The following SND1 variants were observed in gnomAD, a reference collection of about 807,000 sequenced individuals.
The protein encoded by SND1 is staphylococcal nuclease domain-containing protein 1.
A neutral mutation model predicts 121.7 loss-of-function variants in SND1; 38 were observed. The ratio of observed to expected loss-of-function variants is 0.31; its 90% CI spans 0.24 to 0.41. SND1 has a LOEUF of 0.41. Among genes scored for constraint, SND1 ranks in the 10% least tolerant of loss-of-function variants. The probability of loss-of-function intolerance (pLI) is 1.00; values close to 1 mark genes in which losing one functional copy is unlikely to be tolerated. For missense variants in SND1, 868 were observed against 1,184.6 expected (o/e 0.73, Z 3.92); for synonymous variants, 401 against 447.4 (o/e 0.90, Z 1.31).
chr7:127,657,681 A>T (rs563736324), intron 1 of SND1, among the ~76,000 whole-genome samples: 1 of 151,456 alleles, frequency 6.6e-6, no homozygotes, highest in East Asian at 1.9e-4. Flanking sequence ...TCTTTTTTGT[A>T]GAAATGGGGT....
intron 16 of SND1, among the ~76,000 whole-genome samples, chr7:128,073,491 T>C (rs981932409): frequency 2.1e-4 from 32 of 152,332 alleles, no homozygotes; most frequent in Non-Finnish European, 4.0e-4. Flanking sequence ...CACCTCCTTG[T>C]CCTTCTGGGG....
intron 10 of SND1, among the ~76,000 whole-genome samples, chr7:127,751,354 A>T (rs73723067): frequency 0.017 from 2,605 of 152,290 alleles, 96 homozygotes; most frequent in African/African-American, 0.06. Context: ...GAATTAGGAC[A>T]GTGTAGTTTC....
intron 15 of SND1, among the ~76,000 whole-genome samples, chr7:127,942,728 C>A (rs2116841892): frequency 6.6e-6 from 1 of 152,308 alleles, no homozygotes. Context: ...GTTAGGCAAG[C>A]ACAAATTCTG....
At chr7:128,069,353 G>A (rs1793369506) in intron 16 of SND1, among the ~76,000 whole-genome samples, 1 of 152,194 alleles carries the variant, frequency 6.6e-6, no homozygotes, top group Non-Finnish European at 1.5e-5. Flanking sequence ...GAAGGGAAGA[G>A]GAAGCAGTTT....
At chr7:127,686,864 A>G in intron 2 of SND1, 102 bp downstream of exon 2, 1 of 1,338,080 alleles carries the variant, frequency 7.5e-7, no homozygotes, top group Non-Finnish European at 1.0e-6. Flanking sequence ...TTGTATTTTG[A>G]GTATTTTTAT....
At chr7:127,929,092 C>A in intron 14 of SND1, 96 bp from the exon 15 acceptor site, 1 of 1,272,246 alleles carries the variant, frequency 7.9e-7, no homozygotes, top group Non-Finnish European at 1.1e-6. Context: ...GGGTTATTTG[C>A]TTAGCTTCCT....
chr7:127,799,217 A>G (rs1798082617), intron 10 of SND1, among the ~76,000 whole-genome samples: 1 of 152,210 alleles, frequency 6.6e-6, no homozygotes, highest in South Asian at 2.1e-4. Flanking sequence ...TAAAAAACCA[A>G]GAGCTGCAGT....
chr7:128,084,882 G>A, intron 19 of SND1, 35 bp downstream of exon 19: 1 of 1,572,620 alleles, frequency 6.4e-7, no homozygotes. Context: ...AGAGTCTTGA[G>A]CAGGAACGAT....
chr7:127,681,269 A>T (rs1447578963), intron 1 of SND1, among the ~76,000 whole-genome samples: 1 of 152,146 alleles, frequency 6.6e-6, no homozygotes, highest in Non-Finnish European at 1.5e-5. Context: ...GCATCTTTTC[A>T]TGTGCTTTTT....
intron 16 of SND1, chr7:127,997,415 T>C: frequency 3.2e-6 from 1 of 309,172 alleles, no homozygotes; most frequent in South Asian, 3.0e-5. Flanking sequence ...GCAGAGGAAT[T>C]TGAAGAATTT....
At chr7:127,790,197 C>T (rs1037811259) in intron 10 of SND1, among the ~76,000 whole-genome samples, 8 of 152,160 alleles carry the variant, frequency 5.3e-5, no homozygotes, top group African/African-American at 1.9e-4. Context: ...TGGAGCCGCC[C>T]AGCATCCTTG....
chr7:127,770,320 G>C (rs1322111103), intron 10 of SND1, among the ~76,000 whole-genome samples: 2 of 152,168 alleles, frequency 1.3e-5, no homozygotes, highest in Admixed American at 1.3e-4. Flanking sequence ...TAGAATAAAA[G>C]TACTTTAAGA....
At chr7:127,948,166 T>C (rs1801374740) in intron 15 of SND1, among the ~76,000 whole-genome samples, 1 of 152,232 alleles carries the variant, frequency 6.6e-6, no homozygotes, top group South Asian at 2.1e-4. Context: ...ACCCAGACTG[T>C]AGTGATTCCT....
intron 10 of SND1, among the ~76,000 whole-genome samples, chr7:127,803,717 T>C (rs1484353289): frequency 6.6e-6 from 1 of 152,202 alleles, no homozygotes; most frequent in African/African-American, 2.4e-5. Flanking sequence ...ATTCAAGTTC[T>C]CTTTCATTCC....
chr7:127,898,471 C>T (rs754647382), intron 13 of SND1, among the ~76,000 whole-genome samples: 7 of 152,120 alleles, frequency 4.6e-5, no homozygotes, highest in Non-Finnish European at 7.4e-5. Context: ...GCCACCCTGT[C>T]GCTTCCTCCA....
chr7:127,835,066 G>C (rs906599220), intron 11 of SND1, among the ~76,000 whole-genome samples: 2 of 152,144 alleles, frequency 1.3e-5, no homozygotes, highest in Non-Finnish European at 1.5e-5. Flanking sequence ...AGATTTCCCT[G>C]GTATTTTGGT....
At chr7:128,051,481 C>T (rs1387219189) in intron 16 of SND1, among the ~76,000 whole-genome samples, 1 of 152,142 alleles carries the variant, frequency 6.6e-6, no homozygotes, top group African/African-American at 2.4e-5. Context: ...TTTTATTTAC[C>T]ACCAACTGTA....
Position 127,652,261 on chromosome 7 carries a change from C to T in SND1, c.-113C>T. Reference sequence around the variant, plus strand: ...GCGAGTCCGTCCCGTCCACCGTCCGCAGCTGGTAGCCAGCCTGCCCCTCGC... The same window carrying T: ...GCGAGTCCGTCCCGTCCACCGTCCGTAGCTGGTAGCCAGCCTGCCCCTCGC... On this transcript the variant is annotated 5_prime_UTR_variant, in exon 1 of 24. Transcript: ENST00000354725. The T allele has an allele frequency of 1.1e-6, 1 of 884,714 alleles. No individual in the cohort carries two copies. Among genetic ancestry groups the T allele is most frequent in the Non-Finnish European group, 1.9e-6 (1 of 539,788 alleles). The allele number at this position is 884,714 out of a possible 1,614,324, so 54.8% of individuals were successfully genotyped here.
At chr7:127,834,515 C>T (rs1563029517) in intron 11 of SND1, among the ~76,000 whole-genome samples, 1 of 152,152 alleles carries the variant, frequency 6.6e-6, no homozygotes, top group Non-Finnish European at 1.5e-5. Flanking sequence ...TGATCGGTGT[C>T]TGTGACTTTA....
Sources: allele counts gnomAD v4.1 joint callset (sites outside exome capture counted in the v4.1 genomes callset), GRCh38; gene constraint gnomAD v4.1.1; transcripts MANE v1.5; gene names NCBI Gene and HGNC (gene_info 2026-07-23, HGNC 2026-07-21).